Variants in HK1 observed in about 807,000 individuals in gnomAD.
The protein encoded by HK1 is hexokinase 1.
A neutral mutation model predicts 91.6 loss-of-function variants in HK1; 28 were observed. That is an observed-to-expected ratio of 0.31 (90% confidence interval 0.23 to 0.42). The LOEUF is 0.42. Ranked by LOEUF, HK1 falls within the 10% of genes least tolerant of loss-of-function variation. The pLI is 1.00. For missense variants in HK1, 770 were observed against 1,219.8 expected (o/e 0.63, Z 5.49); for synonymous variants, 430 against 468.1 (o/e 0.92, Z 1.05).
At chr10:69,384,719 A>T (rs912040936) in intron 11 of HK1, 77 bp from the exon 12 acceptor site, 2 of 1,587,898 alleles carry the variant, frequency 1.3e-6, no homozygotes, top group African/African-American at 2.7e-5. Flanking sequence ...GTGTGTGTGT[A>T]TACACACTTT....
At chr10:69,328,264 G>T (rs141729409) in intron 1 of HK1, among the ~76,000 whole-genome samples, 1 of 152,292 alleles carries the variant, frequency 6.6e-6, no homozygotes, top group African/African-American at 2.4e-5. Flanking sequence ...AGCTGTCCCT[G>T]TGCGAGGCAG....
intron 15 of HK1, among the ~76,000 whole-genome samples, chr10:69,394,516 T>C (rs1840049286): frequency 6.6e-6 from 1 of 152,156 alleles, no homozygotes; most frequent in African/African-American, 2.4e-5. Flanking sequence ...AAGACACACA[T>C]GCCCTGTCCT....
intron 1 of HK1, among the ~76,000 whole-genome samples, chr10:69,333,124 A>T (rs1792888839): frequency 6.6e-6 from 1 of 152,190 alleles, no homozygotes; most frequent in Non-Finnish European, 1.5e-5. Context: ...TGTTTTACTG[A>T]TGGAAATACA....
At chr10:69,398,889 T>C (rs1564573880) in intron 17 of HK1, 61 bp downstream of exon 17, 4 of 1,333,482 alleles carry the variant, frequency 3.0e-6, no homozygotes, top group Admixed American at 1.7e-5. Context: ...GGTTAGGGGG[T>C]ATCAGGGTGT....
At chr10:69,307,888 G>C (rs1416656522) in intron 5 of HK1, among the ~76,000 whole-genome samples, 1 of 151,774 alleles carries the variant, frequency 6.6e-6, no homozygotes, top group African/African-American at 2.4e-5. Flanking sequence ...AGCCAGGCTG[G>C]AGTGTGGTGG....
intron 9 of HK1, among the ~76,000 whole-genome samples, chr10:69,382,113 G>A (rs1564558968): frequency 6.6e-6 from 1 of 152,214 alleles, no homozygotes; most frequent in Non-Finnish European, 1.5e-5. Context: ...AATTAGGCTG[G>A]GCACAGTGGC....
At chr10:69,304,355 T>C (rs1401732993) in intron 5 of HK1, among the ~76,000 whole-genome samples, 1 of 151,974 alleles carries the variant, frequency 6.6e-6, no homozygotes, top group East Asian at 1.9e-4. Context: ...TCGCCCAGAA[T>C]GGAGAGCAGT....
intron 1 of HK1, among the ~76,000 whole-genome samples, chr10:69,322,143 G>A (rs776304878): frequency 6.6e-6 from 1 of 152,200 alleles, no homozygotes; most frequent in Admixed American, 6.5e-5. Flanking sequence ...ATGGGTCCAG[G>A]AAGGTCAGAA....
chr10:69,400,256 G>A (rs1242323580), intron 17 of HK1, among the ~76,000 whole-genome samples: 6 of 152,124 alleles, frequency 3.9e-5, no homozygotes, highest in Non-Finnish European at 7.4e-5. Context: ...ATGAGCCACC[G>A]CACTCCGCCC....
At chr10:69,399,547 T>C (rs1840293954) in intron 17 of HK1, among the ~76,000 whole-genome samples, 1 of 152,106 alleles carries the variant, frequency 6.6e-6, no homozygotes. Flanking sequence ...AGCCACTCTC[T>C]TGTTCATCTG....
intron 1 of HK1, among the ~76,000 whole-genome samples, chr10:69,277,295 A>C (rs10998689): frequency 0.68 from 103,487 of 152,072 alleles, 35,719 homozygotes; most frequent in East Asian, 0.92. Context: ...TGGCTGGGTG[A>C]AGTGGCTCAT....
intron 16 of HK1, among the ~76,000 whole-genome samples, chr10:69,396,462 C>G (rs1840146120): frequency 6.6e-6 from 1 of 152,092 alleles, no homozygotes. Context: ...TTCATCTTCT[C>G]AGCTGAAACT....
intron 4 of HK1, among the ~76,000 whole-genome samples, chr10:69,296,672 C>A (rs1224059223): frequency 6.6e-6 from 1 of 152,032 alleles, no homozygotes; most frequent in Non-Finnish European, 1.5e-5. Context: ...AAGCATGTGT[C>A]AGGCGAGGAA....
At chr10:69,310,764 G>A (rs994550984) in intron 5 of HK1, among the ~76,000 whole-genome samples, 3 of 152,070 alleles carry the variant, frequency 2.0e-5, no homozygotes, top group African/African-American at 4.8e-5. Context: ...CATGTAAGAG[G>A]TACATTGGTT....
chr10:69,271,457 A>G (rs1479495507), intron 1 of HK1, among the ~76,000 whole-genome samples: 1 of 149,480 alleles, frequency 6.7e-6, no homozygotes, highest in Non-Finnish European at 1.5e-5. Context: ...GGAACCTAAT[A>G]ACAATGACAA....
intron 3 of HK1, 122 bp downstream of exon 3, chr10:69,360,167 C>T (rs938141367): frequency 4.3e-6 from 4 of 928,072 alleles, no homozygotes; most frequent in Admixed American, 3.8e-5. Flanking sequence ...GAAAGAGTCC[C>T]TCATAGATGC....
chr10:69,394,960 A>G lies in HK1; in HGVS notation c.2230A>G (p.Met744Val), dbSNP rs774580142. Residue 744 changes from methionine (M) to valine (V), a missense_variant, in exon 16 of 18, where the codon ATG becomes GTG. Physicochemically the swap from Met to Val is conservative, Grantham distance 21 (BLOSUM62 1). Coordinates refer to ENST00000359426, the MANE Select transcript of HK1 (RefSeq NM_000188.3). ...LNAGKQRYEK[M>V]ISGMYLGEIV... Reference sequence around the variant, plus strand: ...CTCCTCCTGTCTCAGGTATGAGAAGATGATCAGTGGTATGTACCTGGGTGA... The same window carrying G: ...CTCCTCCTGTCTCAGGTATGAGAAGGTGATCAGTGGTATGTACCTGGGTGA... 2 of 1,614,124 alleles carry G rather than the reference A, an allele frequency of 1.2e-6. No homozygotes were observed. The highest frequency in any genetic ancestry group is 1.7e-6 in the Non-Finnish European group (2 of 1,180,012).
At chr10:69,279,532 T>C (rs1327460346) in intron 1 of HK1, among the ~76,000 whole-genome samples, 1 of 152,196 alleles carries the variant, frequency 6.6e-6, no homozygotes, top group African/African-American at 2.4e-5. Flanking sequence ...AATGAATGTA[T>C]GAATGAACAT....
chr10:69,396,063 G>T (rs971629237), intron 16 of HK1, among the ~76,000 whole-genome samples: 1 of 152,082 alleles, frequency 6.6e-6, no homozygotes, highest in Admixed American at 6.6e-5. Context: ...CTTGAGTTCA[G>T]GTGTTCGAGA....
Sources: gnomAD v4.1 joint callset for allele counts (sites outside exome capture counted in the v4.1 genomes callset) on GRCh38, gnomAD v4.1.1 for gene constraint, MANE v1.5 for transcripts, NCBI Gene and HGNC (gene_info 2026-07-23, HGNC 2026-07-21) for gene names.